MED23: variants seen among roughly 807,000 people sequenced by gnomAD.
MED23 encodes mediator complex subunit 23.
Under a neutral mutation model 163.9 loss-of-function variants are expected in MED23, and 105 were observed. The observed-to-expected ratio is 0.64, with a 90% CI of 0.55 to 0.75. The LOEUF is 0.75. Ranked by LOEUF, MED23 falls within the 30% of genes least tolerant of loss-of-function variation. MED23 has a pLI of 0.00. For synonymous variants in MED23, 561 were observed against 565.6 expected, an observed-to-expected ratio of 0.99 and a Z score of 0.12; for missense variants, 1,054 against 1,649.0, an observed-to-expected ratio of 0.64 and a Z score of 6.25.
At chr6:131,578,173 C>G (rs1773720244) in intron 30 of MED23, among the ~76,000 whole-genome samples, 2 of 132,380 alleles carry the variant, frequency 1.5e-5, no homozygotes, top group South Asian at 5.3e-4. Flanking sequence ...AAGAATTACA[C>G]TTCGTAAATC....
At position 131,591,452 on chromosome 6, in the gene MED23, A is replaced by C. The variant is rs1774627852; in HGVS notation, c.3547T>G (p.Trp1183Gly). The change falls in exon 26 of 29, where the codon TGG becomes GGG. Residue 1183 changes from tryptophan (W) to glycine (G), a missense_variant. Around this residue, in one of 11 missense-constraint regions of MED23, gnomAD observed 362 missense variants for 471.6 expected, o/e 0.77. Coordinates refer to ENST00000368068, the MANE Select transcript of MED23 (RefSeq NM_004830.4). ...AAGAGGCGGAATGGATAGCCAACCC[A>C]CTCTGTTTCAGACGTCAAGCTGGGG... The part of the protein sequence containing the change: ...SSPSLTSETE[W>G]VGYPFRLFDF... 1 of 1,613,786 alleles carries C rather than the reference A, an allele frequency of 6.2e-7. No individual in the cohort carries two copies. The highest frequency in any genetic ancestry group is 8.5e-7 in the Non-Finnish European group (1 of 1,179,824).
intron 28 of MED23, among the ~76,000 whole-genome samples, chr6:131,589,226 T>C (rs1284481560): frequency 6.6e-6 from 1 of 152,164 alleles, no homozygotes; most frequent in Non-Finnish European, 1.5e-5. Flanking sequence ...TTTTTCAGAT[T>C]TTCTGTTGCA....
rs751848524 is a variant in MED23 at position 131,594,186 on chromosome 6, G to A, written c.3145C>T (p.Leu1049=). The A allele has an allele frequency of 6.2e-7, 1 of 1,614,140 alleles. No individual in the cohort carries two copies. Among genetic ancestry groups the A allele is most frequent in the East Asian group, 2.2e-5 (1 of 44,886 alleles). ...PQGWCLSDTY[L]KCAMNAREEN... Reference sequence around the variant, plus strand: ...TCTCGTGCATTCATAGCGCATTTCAGGTAAGTGTCACTTAGACACCAGCCC... The same window carrying A: ...TCTCGTGCATTCATAGCGCATTTCAAGTAAGTGTCACTTAGACACCAGCCC... The change falls in exon 23 of 29, where the codon CTG becomes TTG. Residue 1049 remains leucine (L), a synonymous_variant. Coordinates refer to ENST00000368068, the MANE Select transcript of MED23 (RefSeq NM_004830.4).
At chr6:131,579,960 GT>G (rs1562357629) in intron 30 of MED23, among the ~76,000 whole-genome samples, 1 of 152,086 alleles carries the variant, frequency 6.6e-6, no homozygotes, top group Admixed American at 6.5e-5. Flanking sequence ...ATAAGCATCA[GT>G]TTTTTAATTG....
chr6:131,610,271 T>C (rs1776182311), intron 10 of MED23, 25 bp from the exon 11 acceptor site: 2 of 1,609,960 alleles, frequency 1.2e-6, no homozygotes, highest in South Asian at 1.1e-5. Context: ...TTAAATACAG[T>C]ATTCCAAAAG....
At chr6:131,599,131 A>C (rs1308812299) in intron 18 of MED23, among the ~76,000 whole-genome samples, 1 of 152,202 alleles carries the variant, frequency 6.6e-6, no homozygotes, top group East Asian at 1.9e-4. Flanking sequence ...AGTGATTCTC[A>C]GAGTGTGGTC....
intron 24 of MED23, 180 bp from the exon 25 acceptor site, chr6:131,592,640 G>A (rs1018033880): frequency 1.6e-6 from 1 of 632,712 alleles, no homozygotes; most frequent in East Asian, 2.7e-5. Context: ...ACTCAAGAAG[G>A]CTTTTTAAAA....
intron 25 of MED23, 23 bp downstream of exon 25, chr6:131,592,365 A>G (rs776157172): frequency 1.1e-5 from 17 of 1,605,970 alleles, no homozygotes; most frequent in Non-Finnish European, 1.4e-5. Flanking sequence ...ATCACTAAGT[A>G]CAAATCACAA....
intron 1 of MED23, 139 bp from the exon 2 acceptor site, chr6:131,627,811 G>A (rs1777628001): frequency 2.9e-6 from 3 of 1,051,000 alleles, no homozygotes; most frequent in African/African-American, 1.6e-5. Context: ...GCCTGTCACT[G>A]TATCGATTTC....
At chr6:131,625,629 A>T (rs1391944734) in intron 3 of MED23, among the ~76,000 whole-genome samples, 1 of 152,198 alleles carries the variant, frequency 6.6e-6, no homozygotes, top group African/African-American at 2.4e-5. Flanking sequence ...ATTTGGAAAT[A>T]CCTATTTTCT....
At chr6:131,627,616 A>G (rs777757495) in intron 2 of MED23, 25 bp downstream of exon 2, 3 of 1,612,926 alleles carry the variant, frequency 1.9e-6, no homozygotes, top group East Asian at 2.2e-5. Context: ...ATAAAAACAC[A>G]AAACTCTGCC....
chr6:131,626,234 C>CTGATAA lies in MED23; in HGVS notation c.159+1156_159+1161dup, dbSNP rs1248378561. Among the ~76,000 whole-genome samples the CTGATAA allele has an allele frequency of 2.0e-5, 3 of 149,906 alleles. No homozygotes were observed. The East Asian group carries it at 5.9e-4, about 29-fold the overall frequency. On this transcript the variant is annotated intron_variant, in intron 3 of 28. Transcript: ENST00000368068. Reference sequence around the variant, plus strand: ...TAATAATTTCTATAAAAATTACAAACTGATAAGGCTTTTGACTCAGCAATA... The same window carrying CTGATAA: ...TAATAATTTCTATAAAAATTACAAACTGATAATGATAAGGCTTTTGACTCAGCAATA...
At chr6:131,574,897 C>T (rs1057490962) in intron 30 of MED23, among the ~76,000 whole-genome samples, 1 of 152,200 alleles carries the variant, frequency 6.6e-6, no homozygotes, top group African/African-American at 2.4e-5. Flanking sequence ...ACAGCCTTGA[C>T]TGCATAATTC....
chr6:131,608,862 T>A (rs1776054570), intron 11 of MED23, among the ~76,000 whole-genome samples: 1 of 152,220 alleles, frequency 6.6e-6, no homozygotes, highest in South Asian at 2.1e-4. Flanking sequence ...ATGTCTAAAA[T>A]TTTTGACAAA....
At chr6:131,583,988 C>A, downstream of MED23, 1 of 1,471,668 alleles carries the variant, frequency 6.8e-7, no homozygotes, top group East Asian at 2.3e-5. Context: ...TAGAGTTATC[C>A]TTCTAAAGAC....
downstream of MED23, among the ~76,000 whole-genome samples, chr6:131,585,663 G>A (rs1283212400): frequency 6.6e-6 from 1 of 152,110 alleles, no homozygotes; most frequent in East Asian, 1.9e-4. Flanking sequence ...TTCCATCATT[G>A]CAGAAAGTCA....
intron 1 of MED23, 74 bp downstream of exon 1, chr6:131,627,937 G>A: frequency 6.3e-7 from 1 of 1,596,790 alleles, no homozygotes. Flanking sequence ...GCCCAGGCCA[G>A]TTTCCTTGGT....
intron 4 of MED23, among the ~76,000 whole-genome samples, chr6:131,624,599 G>A (rs1777348302): frequency 6.6e-6 from 1 of 152,206 alleles, no homozygotes; most frequent in Admixed American, 6.5e-5. Context: ...TTGAGGTTGT[G>A]CAGCAAAAGT....
At chr6:131,582,868 T>C (rs535584884), downstream of MED23, among the ~76,000 whole-genome samples, 329 of 152,204 alleles carry the variant, frequency 2.2e-3, 2 homozygotes, top group African/African-American at 7.8e-3. Flanking sequence ...TGTACATACA[T>C]ATGTATGTAT....
Sources: gnomAD v4.1 joint callset for allele counts (sites outside exome capture counted in the v4.1 genomes callset) on GRCh38, gnomAD v4.1.1 for gene constraint, gnomAD v4.1.1 regional missense constraint, MANE v1.5 for transcripts, NCBI Gene and HGNC (gene_info 2026-07-23, HGNC 2026-07-21) for gene names.